The following SIPA1L2 variants were observed in gnomAD, a reference collection of about 807,000 sequenced individuals.
The protein encoded by SIPA1L2 is signal induced proliferation associated 1 like 2.
In SIPA1L2, 56 loss-of-function variants were observed where a neutral mutation model predicts 163.9. That is an observed-to-expected ratio of 0.34 (90% CI 0.28 to 0.43). The LOEUF (loss-of-function observed/expected upper bound fraction) is 0.43, where lower values mean the gene tolerates loss of function less well. Ranked by LOEUF, SIPA1L2 falls within the 20% of genes least tolerant of loss-of-function variation. SIPA1L2 has a pLI of 1.00. For missense variants in SIPA1L2, 1,974 were observed against 2,193.5 expected (o/e 0.90, Z 2.00); for synonymous variants, 877 against 865.7 (o/e 1.01, Z -0.23).
In SIPA1L2 at chr1:232,480,185, GTGTGTGTT is replaced by G. The variant is rs1406209514; in HGVS notation, c.1982-463_1982-456del. Among the ~76,000 whole-genome samples, 121 of 135,614 alleles carry G rather than the reference GTGTGTGTT, an allele frequency of 8.9e-4. 1 individual carries two copies. The highest frequency in any genetic ancestry group is 4.1e-3 in the East Asian group (19 of 4,690). The allele number at this position is 135,614 out of a possible 152,430, so 89.0% of individuals were successfully genotyped here. A position where few individuals can be genotyped will look rare whatever the true frequency, so the allele number is the denominator to read the frequency against. On this transcript the variant is annotated intron_variant, in intron 6 of 22. Transcript: ENST00000674635. ...TGTGTGTGTGTGTGTGTGTGTGTGT[GTGTGTGTT>G]TTTACAGTTAATTCTTAGTTATTCT...
rs780822231 is a variant in SIPA1L2, at chr1:232,425,601, C to T, written c.4618G>A (p.Gly1540Arg). ...PPRAHPAPSM[G>R]SLRNEFWFSD... The stretch of plus-strand genomic sequence containing the variant: ...GCCCCTCACTTACTTCTCAGGCTCC[C>T]CATGCTGGGTGCGGGGTGGGCCCGC... Residue 1540 changes from glycine (G) to arginine (R), a missense_variant, in exon 18 of 23, where the codon GGG becomes AGG. By Grantham distance (125) the Gly-to-Arg change is moderately radical. Around this residue, in one of 3 missense-constraint regions of SIPA1L2, gnomAD observed 1,079 missense variants for 1,150.7 expected, o/e 0.94. Coordinates refer to ENST00000674635, the MANE Select transcript of SIPA1L2 (RefSeq NM_020808.5). The T allele has an allele frequency of 1.3e-6, 2 of 1,589,756 alleles. No homozygotes were observed. The highest frequency in any genetic ancestry group is 2.3e-5 in the South Asian group (2 of 88,580).
At chr1:232,563,639 T>A (rs779564397) in intron 2 of SIPA1L2, among the ~76,000 whole-genome samples, 3 of 152,214 alleles carry the variant, frequency 2.0e-5, no homozygotes, top group Non-Finnish European at 4.4e-5. Context: ...ATACAGATGT[T>A]GGAAATTCAG....
Position 232,439,176 on chromosome 1 carries a change from G to A in SIPA1L2, c.3963C>T (p.Ser1321=), listed in dbSNP as rs775234660. The A allele has an allele frequency of 1.9e-5, 30 of 1,613,318 alleles. No individual in the cohort carries two copies. The highest frequency in any genetic ancestry group is 2.1e-5 in the Non-Finnish European group (25 of 1,179,878). Residue 1321 remains serine, a synonymous_variant, in exon 15 of 23, where the codon TCC becomes TCT. Coordinates refer to ENST00000674635, the MANE Select transcript of SIPA1L2 (RefSeq NM_020808.5). ...CCGCAGCACTGCCGGCGGAGATGGT[G>A]GACGCGTAGCCATGCACAGAATATA... ...AKLYSVHGYA[S]TISAGSAAEG... is the part of the protein sequence containing the mutation.
chr1:232,409,067 T>C (rs1367153825), intron 19 of SIPA1L2, among the ~76,000 whole-genome samples: 1 of 152,200 alleles, frequency 6.6e-6, no homozygotes, highest in African/African-American at 2.4e-5. Context: ...TCTTAATTTT[T>C]CTTCAAAAAT....
intron 10 of SIPA1L2, among the ~76,000 whole-genome samples, chr1:232,452,374 T>G (rs1663633810): frequency 6.6e-6 from 1 of 152,156 alleles, no homozygotes; most frequent in South Asian, 2.1e-4. Context: ...AGTACTGTAG[T>G]GTATGCACTC....
intron 1 of SIPA1L2, among the ~76,000 whole-genome samples, chr1:232,603,088 G>A (rs1426604595): frequency 3.3e-5 from 5 of 152,192 alleles, no homozygotes; most frequent in African/African-American, 1.2e-4. Flanking sequence ...AACCAGACAC[G>A]TGGTATAAGG....
At chr1:232,614,177 G>A (rs779012336) in intron 1 of SIPA1L2, among the ~76,000 whole-genome samples, 9 of 151,788 alleles carry the variant, frequency 5.9e-5, no homozygotes, top group East Asian at 2.0e-4. Context: ...CAGATACTTC[G>A]TGTAACAGCG....
chr1:232,523,679 A>G (rs1667555722), intron 2 of SIPA1L2, among the ~76,000 whole-genome samples: 1 of 152,148 alleles, frequency 6.6e-6, no homozygotes, highest in African/African-American at 2.4e-5. Context: ...AAAAAATACA[A>G]TCCTTCCGGA....
chr1:232,511,844 A>G (rs1335865593), intron 3 of SIPA1L2, among the ~76,000 whole-genome samples: 2 of 152,246 alleles, frequency 1.3e-5, no homozygotes, highest in Non-Finnish European at 2.9e-5. Context: ...AAACAGCAAA[A>G]GCAATGACAA....
intron 2 of SIPA1L2, among the ~76,000 whole-genome samples, chr1:232,572,166 A>C (rs1035887559): frequency 6.6e-6 from 1 of 152,198 alleles, no homozygotes; most frequent in Non-Finnish European, 1.5e-5. Flanking sequence ...TCCAAAGTGC[A>C]GTAAAGGCCA....
chr1:232,514,450 G>T lies in SIPA1L2; in HGVS notation c.890C>A (p.Thr297Asn). 6.2e-7 allele frequency: 1 copy of T among 1,614,212 alleles called. No individual in the cohort carries two copies. Residue 297 changes from threonine (T) to asparagine (N), a missense_variant, in exon 3 of 23, where the codon ACT becomes AAT. Thr to Asn is a moderately conservative substitution (Grantham distance 65, BLOSUM62 0). Coordinates refer to ENST00000674635, the MANE Select transcript of SIPA1L2 (RefSeq NM_020808.5). The part of the protein sequence containing the change: ...VETSLFRKLR[T>N]VKSEHETFKF... ...GAAAGTTTCGTGCTCACTTTTAACAGTTCGAAGCTTTCGGAAGAGAGATGT... is the reference window on the plus strand; with the variant it reads ...GAAAGTTTCGTGCTCACTTTTAACATTTCGAAGCTTTCGGAAGAGAGATGT...
At chr1:232,556,978 G>C (rs1337843045) in intron 2 of SIPA1L2, among the ~76,000 whole-genome samples, 1 of 152,172 alleles carries the variant, frequency 6.6e-6, no homozygotes, top group African/African-American at 2.4e-5. Flanking sequence ...AGAATGGAGA[G>C]AGAAGCCATG....
intron 2 of SIPA1L2, among the ~76,000 whole-genome samples, chr1:232,548,752 C>T (rs1170562502): frequency 2.0e-5 from 3 of 152,156 alleles, no homozygotes; most frequent in African/African-American, 7.2e-5. Context: ...CTCCCCTGAA[C>T]AGAGGGGGCC....
chr1:232,541,587 G>GTTAAT (rs2103109560), intron 2 of SIPA1L2, among the ~76,000 whole-genome samples: 1 of 152,264 alleles, frequency 6.6e-6, no homozygotes, highest in East Asian at 1.9e-4. Flanking sequence ...GCATCTCTTA[G>GTTAAT]TTAAGACAGT....
chr1:232,562,742 C>T (rs1036666431), intron 2 of SIPA1L2, among the ~76,000 whole-genome samples: 2 of 152,182 alleles, frequency 1.3e-5, no homozygotes, highest in Non-Finnish European at 1.5e-5. Flanking sequence ...CAGATCTGAA[C>T]AAGGGGATCC....
chr1:232,445,893 T>G, intron 10 of SIPA1L2, 107 bp from the exon 11 acceptor site: 1 of 1,271,934 alleles, frequency 7.9e-7, no homozygotes, highest in Non-Finnish European at 1.1e-6. Context: ...TGTGTGCCTC[T>G]CCCGGCTCCA....
chr1:232,550,829 T>C (rs535652941), intron 2 of SIPA1L2, among the ~76,000 whole-genome samples: 2 of 152,282 alleles, frequency 1.3e-5, no homozygotes, highest in African/African-American at 2.4e-5. Flanking sequence ...GTCATGACTA[T>C]TAAAATATTC....
chr1:232,612,002 G>A (rs1662261690), intron 1 of SIPA1L2, among the ~76,000 whole-genome samples: 1 of 152,196 alleles, frequency 6.6e-6, no homozygotes, highest in African/African-American at 2.4e-5. Context: ...CAGACTTGGT[G>A]CCCTGTGTCC....
intron 2 of SIPA1L2, among the ~76,000 whole-genome samples, chr1:232,537,445 G>A (rs78388143): frequency 0.019 from 2,836 of 151,946 alleles, 78 homozygotes; most frequent in African/African-American, 0.065. Context: ...GCAATACATC[G>A]CTTTATAGTG....
Sources: gnomAD v4.1 joint callset for allele counts (sites outside exome capture counted in the v4.1 genomes callset) on GRCh38, gnomAD v4.1.1 for gene constraint, gnomAD v4.1.1 regional missense constraint, MANE v1.5 for transcripts, NCBI Gene and HGNC (gene_info 2026-07-23, HGNC 2026-07-21) for gene names.